PCDHGA1: variants seen among roughly 807,000 people sequenced by gnomAD.
PCDHGA1 encodes protocadherin gamma subfamily A, 1, also known as protocadherin gamma-A1.
A neutral mutation model predicts 58.0 loss-of-function variants in PCDHGA1; 32 were observed. That is an observed-to-expected ratio of 0.55 (90% CI 0.42 to 0.74). PCDHGA1 has a LOEUF of 0.74. Ranked by LOEUF, PCDHGA1 falls within the 30% of genes least tolerant of loss-of-function variation. The pLI is 0.00. For missense variants in PCDHGA1, 1,205 were observed against 1,182.3 expected (o/e 1.02, Z -0.28); for synonymous variants, 498 against 501.1 (o/e 0.99, Z 0.08).
intron 1 of PCDHGA1, chr5:141,479,494 G>C (rs747201739): frequency 2.6e-5 from 4 of 152,256 alleles, no homozygotes; most frequent in Non-Finnish European, 5.9e-5. Flanking sequence ...CCATCAGGTT[G>C]CCTAAAGAGG....
rs760709557 is a variant in PCDHGA1, at chr5:141,384,156, C to T, written c.2421+51051C>T. The T allele has an allele frequency of 1.6e-5, 26 of 1,613,342 alleles. No homozygotes were observed. The Admixed American group carries it at 4.2e-4, about 26-fold the overall frequency. ...ACCGGGAAACACTCTCTTTGTATAA[C>T]ATCACACTGAAAGCCACAGATGGTG... On this transcript the variant is annotated intron_variant, in intron 1 of 3. Transcript: ENST00000517417.
chr5:141,403,390 G>T (rs1471861396), intron 1 of PCDHGA1: 14 of 1,614,038 alleles, frequency 8.7e-6, no homozygotes, highest in African/African-American at 1.3e-5. Context: ...ACGAAATCGC[G>T]GTTCCTGGAG....
At chr5:141,409,571 T>A in intron 1 of PCDHGA1, 2 of 1,613,932 alleles carry the variant, frequency 1.2e-6, no homozygotes, top group Non-Finnish European at 1.7e-6. Context: ...CCAGACGTCC[T>A]ACGTGGTCCA....
Position 141,464,284 on chromosome 5 carries a change from A to C in PCDHGA1, c.2422-30523A>C, listed in dbSNP as rs1237360752. ...CGTCTAAAAAAAAAAAAAAGCAAAA[A>C]AAAAAACTCCATTGTATGTGCACAT... On this transcript the variant is annotated intron_variant, in intron 1 of 3. Coordinates refer to ENST00000517417, the MANE Select transcript of PCDHGA1 (RefSeq NM_018912.3). 4.0e-5 allele frequency among the ~76,000 whole-genome samples: 6 copies of C among 151,546 alleles called. No individual in the cohort carries two copies. The South Asian group carries it at 1.0e-3, about 26-fold the overall frequency.
chr5:141,352,798 T>C (rs1315643760), intron 1 of PCDHGA1: 5 of 928,716 alleles, frequency 5.4e-6, no homozygotes, highest in South Asian at 5.1e-5. Flanking sequence ...GAGACCAGCA[T>C]AGCCAAGATG....
intron 1 of PCDHGA1, among the ~76,000 whole-genome samples, chr5:141,492,641 G>A (rs2099742804): frequency 6.6e-6 from 1 of 152,226 alleles, no homozygotes; most frequent in African/African-American, 2.4e-5. Flanking sequence ...ACGATCCTTG[G>A]GCCAGAGGTC....
intron 1 of PCDHGA1, chr5:141,355,996 G>C (rs1377286666): frequency 1.2e-6 from 2 of 1,613,764 alleles, no homozygotes; most frequent in Non-Finnish European, 1.7e-6. Flanking sequence ...CACCGTAAAA[G>C]CCACTGATCC....
intron 1 of PCDHGA1, 144 bp from the exon 2 acceptor site, chr5:141,494,663 G>A: frequency 6.7e-7 from 1 of 1,499,356 alleles, no homozygotes; most frequent in Non-Finnish European, 9.0e-7. Flanking sequence ...TGTCTTTGGA[G>A]ATGAGTCCAC....
At chr5:141,386,097 T>C (rs1216816786) in intron 1 of PCDHGA1, 9 of 152,236 alleles carry the variant, frequency 5.9e-5, no homozygotes, top group African/African-American at 2.2e-4. Flanking sequence ...AGATGAAGTG[T>C]GTCTGTGGGC....
intron 1 of PCDHGA1, chr5:141,410,485 A>C (rs1277289074): frequency 6.2e-7 from 1 of 1,613,898 alleles, no homozygotes; most frequent in Admixed American, 1.7e-5. Context: ...ATACGGGTAC[A>C]AAAGAGTTTA....
intron 1 of PCDHGA1, among the ~76,000 whole-genome samples, chr5:141,475,250 A>G (rs941738675): frequency 6.6e-6 from 1 of 152,246 alleles, no homozygotes; most frequent in Non-Finnish European, 1.5e-5. Context: ...AGTGTGCTCT[A>G]CAACTGAGAT....
chr5:141,394,001 G>A (rs766773377), intron 1 of PCDHGA1: 4 of 1,613,340 alleles, frequency 2.5e-6, no homozygotes, highest in Admixed American at 1.7e-5. Context: ...AATTAGAAAA[G>A]TCAATAGGTA....
At chr5:141,419,722 G>A (rs1194093167) in intron 1 of PCDHGA1, 2 of 1,613,306 alleles carry the variant, frequency 1.2e-6, no homozygotes, top group Admixed American at 1.7e-5. Context: ...GCCTGGGGCT[G>A]CGAACAGGCG....
At chr5:141,352,397 C>T (rs761570903) in intron 1 of PCDHGA1, 3 of 1,613,940 alleles carry the variant, frequency 1.9e-6, no homozygotes, top group Non-Finnish European at 2.5e-6. Context: ...GCGCCTGCGA[C>T]GTTCCTCCAG....
chr5:141,511,237 T>C lies in PCDHGA1; in HGVS notation c.*64T>C, dbSNP rs886816274. 1.9e-6 allele frequency: 3 copies of C among 1,590,378 alleles called. No homozygotes were observed. The South Asian group carries it at 3.4e-5, about 18-fold the overall frequency. ...CCAACCAGCCCAGCTTCTCCTTACC[T>C]GCACCCAGGCCTCAGAGTTTCAGGG... On this transcript the variant is annotated 3_prime_UTR_variant, in exon 4 of 4. Coordinates refer to ENST00000517417, the MANE Select transcript of PCDHGA1 (RefSeq NM_018912.3).
chr5:141,382,896 G>A (rs754850386), intron 1 of PCDHGA1: 5 of 1,537,678 alleles, frequency 3.3e-6, no homozygotes, highest in Admixed American at 2.1e-5. Context: ...GAAGCAGGAC[G>A]ACTATGGCGG....
In PCDHGA1 at chr5:141,331,589, C is replaced by T. The variant is rs1285679219; in HGVS notation, c.905C>T (p.Ser302Leu). Reference sequence around the variant, plus strand: ...TTAGATTCTTACACAGGAGAAATATCAAATAAAGAACCACTAGATTTCGAA... The same window carrying T: ...TTAGATTCTTACACAGGAGAAATATTAAATAAAGAACCACTAGATTTCGAA... ...FRLDSYTGEI[S>L]NKEPLDFEEY... Residue 302 changes from serine (S) to leucine (L), a missense_variant, in exon 1 of 4, where the codon TCA becomes TTA. Coordinates refer to ENST00000517417, the MANE Select transcript of PCDHGA1 (RefSeq NM_018912.3). 3.7e-6 allele frequency: 6 copies of T among 1,613,926 alleles called. No homozygotes were observed. Among genetic ancestry groups the T allele is most frequent in the Non-Finnish European group, 5.1e-6 (6 of 1,180,038 alleles).
At chr5:141,370,601 T>C in intron 1 of PCDHGA1, 1 of 1,614,004 alleles carries the variant, frequency 6.2e-7, no homozygotes. Flanking sequence ...TGCGGGTTAT[T>C]GCAGAGAAGA....
At chr5:141,409,847 C>T (rs2095325421) in intron 1 of PCDHGA1, 3 of 1,611,712 alleles carry the variant, frequency 1.9e-6, no homozygotes, top group East Asian at 2.2e-5. Context: ...CGTGAGCCTG[C>T]GCGTGTTGGT....
Sources: gnomAD v4.1 joint callset for allele counts (sites outside exome capture counted in the v4.1 genomes callset) on GRCh38, gnomAD v4.1.1 for gene constraint, MANE v1.5 for transcripts, NCBI Gene and HGNC (gene_info 2026-07-23, HGNC 2026-07-21) for gene names.